The following NAALADL2 variants were observed in gnomAD, a reference collection of about 807,000 sequenced individuals.
NAALADL2 encodes N-acetylated alpha-linked acidic dipeptidase like 2, also known as inactive N-acetylated-alpha-linked acidic dipeptidase-like protein 2.
A neutral mutation model predicts 87.2 loss-of-function variants in NAALADL2; 76 were observed. That is an observed-to-expected ratio of 0.87 (90% CI 0.72 to 1.05). The LOEUF (loss-of-function observed/expected upper bound fraction) is 1.05, where lower values mean the gene tolerates loss of function less well. Among genes scored for constraint, NAALADL2 ranks in the 50% least tolerant of loss-of-function variants. The pLI, the probability that NAALADL2 is intolerant of heterozygous loss-of-function variation, is 0.00. For synonymous variants in NAALADL2, 354 were observed against 331.0 expected (o/e 1.07, Z -0.75); for missense variants, 1,089 against 945.8 (o/e 1.15, Z -1.99).
chr3:174,661,864 A>C (rs1036501620), intron 2 of NAALADL2, among the ~76,000 whole-genome samples: 1 of 152,176 alleles, frequency 6.6e-6, no homozygotes, highest in Non-Finnish European at 1.5e-5. Flanking sequence ...AAGTGAAATC[A>C]TATCTTTTGC....
At chr3:175,375,659 T>C (rs981142612) in intron 5 of NAALADL2, among the ~76,000 whole-genome samples, 1 of 152,152 alleles carries the variant, frequency 6.6e-6, no homozygotes, top group African/African-American at 2.4e-5. Context: ...TCTGTCTTTA[T>C]ATTGAAGGGA....
At chr3:175,724,537 A>T (rs934767752) in intron 11 of NAALADL2, among the ~76,000 whole-genome samples, 7 of 152,158 alleles carry the variant, frequency 4.6e-5, no homozygotes, top group East Asian at 1.9e-4. Flanking sequence ...ACTTTGTAGG[A>T]TGCAATCTGC....
At chr3:174,805,773 A>T (rs951722717) in intron 3 of NAALADL2, among the ~76,000 whole-genome samples, 3 of 152,182 alleles carry the variant, frequency 2.0e-5, no homozygotes, top group Non-Finnish European at 2.9e-5. Flanking sequence ...TACACTCACA[A>T]TTTGAAAACT....
intron 3 of NAALADL2, among the ~76,000 whole-genome samples, chr3:174,761,656 T>C (rs911737218): frequency 6.6e-6 from 1 of 152,108 alleles, no homozygotes; most frequent in African/African-American, 2.4e-5. Flanking sequence ...AGGGTACATG[T>C]ACACAATGTG....
intron 9 of NAALADL2, among the ~76,000 whole-genome samples, chr3:175,535,026 C>T (rs748938701): frequency 6.6e-6 from 1 of 152,130 alleles, no homozygotes; most frequent in Non-Finnish European, 1.5e-5. Flanking sequence ...TTGGCTTCAA[C>T]CTGCTTCCCT....
intron 2 of NAALADL2, among the ~76,000 whole-genome samples, chr3:174,717,584 T>C (rs1457012666): frequency 6.6e-6 from 1 of 152,186 alleles, no homozygotes; most frequent in Non-Finnish European, 1.5e-5. Flanking sequence ...CCTAAGATTT[T>C]TTTCTTACAA....
intron 3 of NAALADL2, among the ~76,000 whole-genome samples, chr3:174,750,365 CT>C (rs1734701981): frequency 1.3e-5 from 2 of 152,120 alleles, no homozygotes; most frequent in Non-Finnish European, 2.9e-5. Flanking sequence ...CACCATGGAT[CT>C]TGGCTTTATT....
chr3:174,831,944 C>A (rs911172127), intron 3 of NAALADL2, among the ~76,000 whole-genome samples: 26 of 151,338 alleles, frequency 1.7e-4, no homozygotes, highest in African/African-American at 6.1e-4. Context: ...TCTGTGGGAT[C>A]GGTGGTGATA....
At chr3:174,885,710 C>T (rs578092703) in intron 1 of NAALADL2, among the ~76,000 whole-genome samples, 63 of 150,958 alleles carry the variant, frequency 4.2e-4, no homozygotes, top group African/African-American at 1.5e-3. Context: ...AGAAGCACCC[C>T]TGGTACCAAA....
At chr3:174,853,811 A>C (rs774543914) in intron 3 of NAALADL2, among the ~76,000 whole-genome samples, 7 of 152,206 alleles carry the variant, frequency 4.6e-5, no homozygotes, top group Admixed American at 2.0e-4. Flanking sequence ...GAGATATGCA[A>C]ATCAAAACTA....
chr3:175,235,729 A>T (rs943260061), intron 3 of NAALADL2: 1 of 152,162 alleles, frequency 6.6e-6, no homozygotes, highest in African/African-American at 2.4e-5. Flanking sequence ...CATTCACAAA[A>T]ACACCAGGAA....
intron 11 of NAALADL2, among the ~76,000 whole-genome samples, chr3:175,673,997 C>T (rs1188920327): frequency 2.6e-5 from 4 of 151,802 alleles, no homozygotes; most frequent in Non-Finnish European, 5.9e-5. Flanking sequence ...TCAAAGATCC[C>T]TATAATGTTA....
intron 3 of NAALADL2, among the ~76,000 whole-genome samples, chr3:174,740,575 T>A (rs569443472): frequency 8.4e-4 from 128 of 151,988 alleles, no homozygotes; most frequent in Admixed American, 2.0e-3. Flanking sequence ...AATATTGCAG[T>A]TGTTTGAAAA....
chr3:175,159,092 A>C (rs1293210909), intron 2 of NAALADL2, among the ~76,000 whole-genome samples: 1 of 152,192 alleles, frequency 6.6e-6, no homozygotes, highest in Non-Finnish European at 1.5e-5. Context: ...TTCCAACAAA[A>C]GCATATAAAT....
chr3:175,802,101 T>C (rs1754231448), intron 13 of NAALADL2, among the ~76,000 whole-genome samples: 1 of 152,030 alleles, frequency 6.6e-6, no homozygotes, highest in Admixed American at 6.6e-5. Context: ...CTGAAGCAAA[T>C]TCCAGACATA....
rs369133151 is a variant in NAALADL2 at position 175,377,617 on chromosome 3, A to C, written c.1090+53292A>C. Among the ~76,000 whole-genome samples, 4 of 152,174 alleles carry C rather than the reference A, an allele frequency of 2.6e-5. No individual in the cohort carries two copies. In the South Asian group the frequency reaches 6.2e-4, roughly 24 times the overall value. On this transcript the variant is annotated intron_variant, in intron 5 of 13. Coordinates refer to ENST00000454872, the MANE Select transcript of NAALADL2 (RefSeq NM_207015.3). Reference sequence around the variant, plus strand: ...CCACTCTCAAGCATAAAAACCTGTGACCATGGCCCACAGTGAGAACTTATA... The same window carrying C: ...CCACTCTCAAGCATAAAAACCTGTGCCCATGGCCCACAGTGAGAACTTATA...
chr3:175,037,831 A>T (rs1753602414), intron 1 of NAALADL2, among the ~76,000 whole-genome samples: 1 of 152,150 alleles, frequency 6.6e-6, no homozygotes, highest in African/African-American at 2.4e-5. Context: ...AGGCCACGGT[A>T]TCCCCATTCA....
intron 2 of NAALADL2, among the ~76,000 whole-genome samples, chr3:174,608,856 A>G (rs1415771152): frequency 6.6e-6 from 1 of 151,708 alleles, no homozygotes; most frequent in East Asian, 1.9e-4. Context: ...CAGAGACACA[A>G]CCAAAAACCA....
At chr3:175,032,255 T>G (rs556154651) in intron 1 of NAALADL2, among the ~76,000 whole-genome samples, 1 of 152,164 alleles carries the variant, frequency 6.6e-6, no homozygotes, top group African/African-American at 2.4e-5. Context: ...TACTATAATT[T>G]TAAACAAAAT....
Sources: allele counts gnomAD v4.1 joint callset (sites outside exome capture counted in the v4.1 genomes callset), GRCh38; gene constraint gnomAD v4.1.1; transcripts MANE v1.5; gene names NCBI Gene and HGNC (gene_info 2026-07-23, HGNC 2026-07-21).